The following CES5A variants were observed in gnomAD, a reference collection of about 807,000 sequenced individuals.
CES5A encodes carboxylesterase 5A.
CES5A carries 67 observed loss-of-function variants against 62.9 expected under a neutral mutation model. That is an observed-to-expected ratio of 1.07 (90% CI 0.88 to 1.31). The LOEUF (loss-of-function observed/expected upper bound fraction) is 1.31. Ranked by LOEUF, CES5A falls within the 50% of genes most tolerant of loss-of-function variation. The pLI is 0.00. For missense variants in CES5A, 748 were observed against 708.5 expected (o/e 1.06, Z -0.63); for synonymous variants, 296 against 280.8 (o/e 1.05, Z -0.54).
intron 1 of CES5A, among the ~76,000 whole-genome samples, chr16:55,884,867 C>A (rs1283294562): frequency 6.6e-6 from 1 of 152,216 alleles, no homozygotes; most frequent in Non-Finnish European, 1.5e-5. Flanking sequence ...GCTGGGATTA[C>A]AGGAGGGAGC....
rs75473061 is a variant in CES5A, at chr16:55,866,384, T to C, written c.552-268A>G. On this transcript the variant is annotated intron_variant, in intron 4 of 12. Coordinates refer to ENST00000290567, the MANE Select transcript of CES5A (RefSeq NM_001143685.2). ...TCAAGTATTCACAGGTTCCTCAGAATCCATGAATCCCAATCCATGAATCCT... is the reference window on the plus strand; with the variant it reads ...TCAAGTATTCACAGGTTCCTCAGAACCCATGAATCCCAATCCATGAATCCT... 4.5e-3 allele frequency among the ~76,000 whole-genome samples: 688 copies of C among 152,256 alleles called. 4 individuals are homozygous for C. The highest frequency in any genetic ancestry group is 7.7e-3 in the Non-Finnish European group (525 of 68,008).
intron 11 of CES5A, among the ~76,000 whole-genome samples, chr16:55,848,596 C>G (rs879547457): frequency 3.3e-5 from 5 of 151,958 alleles, no homozygotes; most frequent in African/African-American, 9.7e-5. Flanking sequence ...AGTGGATGTT[C>G]GTATGTTTAG....
chr16:55,870,119 T>G (rs2033552740), intron 3 of CES5A, among the ~76,000 whole-genome samples: 1 of 152,206 alleles, frequency 6.6e-6, no homozygotes, highest in Admixed American at 6.5e-5. Context: ...AAGTTTCAAG[T>G]GCTCAGAAAT....
chr16:55,923,112 T>C (rs2034224963), intron 1 of CES5A, among the ~76,000 whole-genome samples: 1 of 150,930 alleles, frequency 6.6e-6, no homozygotes, highest in African/African-American at 2.4e-5. Context: ...AACAACCTAA[T>C]GCACTTCAAG....
At chr16:55,893,868 C>G (rs2033904968) in intron 1 of CES5A, among the ~76,000 whole-genome samples, 1 of 151,992 alleles carries the variant, frequency 6.6e-6, no homozygotes, top group Non-Finnish European at 1.5e-5. Flanking sequence ...ATCTGAGAAT[C>G]TCAACATATC....
chr16:55,949,895 C>T, exon 2 of CES5A: 2 of 1,456,562 alleles, frequency 1.4e-6, no homozygotes, highest in South Asian at 1.4e-5. Flanking sequence ...CCTTCTTATC[C>T]TAAACTCCTG....
chr16:55,929,585 C>T (rs1227290504), upstream of CES5A, among the ~76,000 whole-genome samples: 4 of 152,134 alleles, frequency 2.6e-5, no homozygotes, highest in Admixed American at 2.6e-4. Flanking sequence ...TATGGAGACA[C>T]CCTAAATACT....
chr16:55,850,824 A>G (rs2033116703), intron 10 of CES5A, among the ~76,000 whole-genome samples: 1 of 152,158 alleles, frequency 6.6e-6, no homozygotes, highest in African/African-American at 2.4e-5. Context: ...CAGTGGCTGC[A>G]CTGTTTTATG....
At chr16:55,866,821 G>A (rs2033475357) in intron 4 of CES5A, among the ~76,000 whole-genome samples, 1 of 151,906 alleles carries the variant, frequency 6.6e-6, no homozygotes, top group African/African-American at 2.4e-5. Context: ...CTGGGCAATA[G>A]AGTGAGGCTC....
chr16:55,847,635 G>T (rs1245362516), intron 11 of CES5A, among the ~76,000 whole-genome samples: 1 of 152,036 alleles, frequency 6.6e-6, no homozygotes, highest in East Asian at 1.9e-4. Flanking sequence ...GACTGGACAC[G>T]TATTCTACAT....
chr16:55,881,401 G>A (rs2142424730), intron 1 of CES5A, among the ~76,000 whole-genome samples: 1 of 152,312 alleles, frequency 6.6e-6, no homozygotes, highest in South Asian at 2.1e-4. Flanking sequence ...TTGGTCTTGA[G>A]GGTGGTAAGC....
intron 2 of CES5A, among the ~76,000 whole-genome samples, chr16:55,948,580 T>C (rs1248091713): frequency 6.6e-6 from 1 of 152,224 alleles, no homozygotes; most frequent in Non-Finnish European, 1.5e-5. Flanking sequence ...TTCTATCTTG[T>C]AGCTATCTAT....
At position 55,917,760 on chromosome 16, in the gene CES5A, T is replaced by G. The variant is rs188380996; in HGVS notation, c.-256+7563A>C. Among the ~76,000 whole-genome samples the G allele has an allele frequency of 3.9e-3, 596 of 152,252 alleles. 2 individuals are homozygous for G. Among genetic ancestry groups the G allele is most frequent in the Non-Finnish European group, 6.1e-3 (417 of 68,002 alleles). On this transcript the variant is annotated intron_variant, in intron 1 of 12. Transcript: ENST00000518005. The stretch of plus-strand genomic sequence containing the variant: ...ATTAAATCCAGCCCACACTCAAGGA[T>G]AGCGAATTACAGAGGGCATGAACAG...
At chr16:55,956,009 A>C in exon 1 of CES5A, 1 of 1,026,882 alleles carries the variant, frequency 9.7e-7, no homozygotes, top group Non-Finnish European at 1.4e-6. Flanking sequence ...TGAGTTCACC[A>C]CTTTCCTCTA....
intron 1 of CES5A, among the ~76,000 whole-genome samples, chr16:55,952,528 C>G (rs565475849): frequency 6.6e-6 from 1 of 151,886 alleles, no homozygotes; most frequent in Non-Finnish European, 1.5e-5. Context: ...GTGGCAAGAC[C>G]GAGTGTGAGA....
chr16:55,898,839 C>T (rs1362966249), intron 1 of CES5A, among the ~76,000 whole-genome samples: 1 of 152,026 alleles, frequency 6.6e-6, no homozygotes, highest in South Asian at 2.1e-4. Flanking sequence ...GGCATGGTCA[C>T]CCTCATGACC....
intron 1 of CES5A, among the ~76,000 whole-genome samples, chr16:55,923,360 A>C (rs1194723313): frequency 6.6e-6 from 1 of 151,806 alleles, no homozygotes; most frequent in Non-Finnish European, 1.5e-5. Flanking sequence ...ACAGAAATAC[A>C]AAAAGATTAT....
At chr16:55,901,169 T>G (rs141988328) in intron 1 of CES5A, among the ~76,000 whole-genome samples, 1 of 152,170 alleles carries the variant, frequency 6.6e-6, no homozygotes, top group African/African-American at 2.4e-5. Flanking sequence ...TCTCACAAGA[T>G]CTGATGGTTT....
chr16:55,947,144 T>C (rs1217156345), intron 2 of CES5A, among the ~76,000 whole-genome samples: 1 of 152,196 alleles, frequency 6.6e-6, no homozygotes, highest in Non-Finnish European at 1.5e-5. Flanking sequence ...AGAGCTGGGC[T>C]TCATTTAGAA....
Sources: gnomAD v4.1 joint callset for allele counts (sites outside exome capture counted in the v4.1 genomes callset) on GRCh38, gnomAD v4.1.1 for gene constraint, MANE v1.5 for transcripts, NCBI Gene and HGNC (gene_info 2026-07-23, HGNC 2026-07-21) for gene names.